Variants in ABCA7 observed in about 807,000 individuals in gnomAD.
ABCA7 encodes ATP binding cassette subfamily A member 7, also known as phospholipid-transporting ATPase ABCA7.
ABCA7 carries 261 observed loss-of-function variants against 227.6 expected under a neutral mutation model. The ratio of observed to expected loss-of-function variants is 1.15; its 90% CI spans 1.04 to 1.27. The LOEUF (loss-of-function observed/expected upper bound fraction) is 1.27. Ranked by LOEUF, ABCA7 falls within the 50% of genes most tolerant of loss-of-function variation. The probability of loss-of-function intolerance (pLI) is 0.00; values close to 1 mark genes in which losing one functional copy is unlikely to be tolerated. For synonymous variants in ABCA7, 1,488 were observed against 1,279.7 expected, an observed-to-expected ratio of 1.16 and a Z score of -3.47; for missense variants, 3,331 against 2,924.5, an observed-to-expected ratio of 1.14 and a Z score of -3.21.
rs558930994 is a variant in ABCA7 at position 1,045,053 on chromosome 19, T to C, written c.1267T>C (p.Ser423Pro). The change falls in exon 12 of 47, where the codon TCG becomes CCG. Residue 423 changes from serine (S) to proline (P), a missense_variant. Ser to Pro is a moderately conservative substitution (Grantham distance 74, BLOSUM62 -1). Coordinates refer to ENST00000263094, the MANE Select transcript of ABCA7 (RefSeq NM_019112.4). Reference protein sequence around the residue: ...EAAPSEAALVSRALQLLAEHR... With the variant: ...EAAPSEAALVPRALQLLAEHR... ...GGCACCCTCAGAGGCAGCCCTGGTG[T>C]CGCGGGCCCTGCAACTGCTCGCGGA... 6.2e-7 allele frequency: 1 copy of C among 1,612,802 alleles called. No individual in the cohort carries two copies. Among genetic ancestry groups the C allele is most frequent in the Non-Finnish European group, 8.5e-7 (1 of 1,179,964 alleles).
chr19:1,051,667 G>A, intron 21 of ABCA7, 81 bp downstream of exon 21: 1 of 1,399,940 alleles, frequency 7.1e-7, no homozygotes, highest in Non-Finnish European at 9.7e-7. Flanking sequence ...TGAGGAATGA[G>A]TAGGAGTTTG....
rs1490601072 is a variant in ABCA7, at chr19:1,054,656, C to G, written c.3813C>G (p.Leu1271=). 2.5e-6 allele frequency: 4 copies of G among 1,613,342 alleles called. No homozygotes were observed. Among genetic ancestry groups the G allele is most frequent in the Non-Finnish European group, 2.5e-6 (3 of 1,179,962 alleles). The part of the protein sequence containing the change: ...PPFGHYPALR[L]SPTMYGAQVS... ...TCGGGCACTACCCGGCTCTGCGGCT[C>G]AGTCCCACCATGTACGGTGCTCAGG... Residue 1271 remains leucine (L), a synonymous_variant, in exon 28 of 47, where the codon CTC becomes CTG. Transcript: ENST00000263094. The surrounding 1 kb of genome is among the most constrained non-coding windows in gnomAD (Gnocchi z 4.8).
rs777577175 is a variant in ABCA7, at chr19:1,041,891, T to C, written c.221T>C (p.Ile74Thr). 2.5e-6 allele frequency: 4 copies of C among 1,601,568 alleles called. No individual in the cohort carries two copies. Among genetic ancestry groups the C allele is most frequent in the Non-Finnish European group, 3.4e-6 (4 of 1,178,724 alleles). Residue 74 changes from isoleucine to threonine, a missense_variant, in exon 4 of 47, where the codon ATC (isoleucine) becomes ACC (threonine). Coordinates refer to ENST00000263094, the MANE Select transcript of ABCA7 (RefSeq NM_019112.4). ...AGTVPWLQGL[I>T]CNVNNTCFPQ... Reference sequence around the variant, plus strand: ...ACCGTGCCCTGGCTCCAGGGTCTCATCTGTAATGTGAACAACACCTGCTTT... The same window carrying C: ...ACCGTGCCCTGGCTCCAGGGTCTCACCTGTAATGTGAACAACACCTGCTTT...
At chr19:1,040,649 C>A (rs575072233) in intron 1 of ABCA7, among the ~76,000 whole-genome samples, 1 of 152,262 alleles carries the variant, frequency 6.6e-6, no homozygotes, top group South Asian at 2.1e-4. Context: ...GATCAGGAAT[C>A]GCTGACTCCA....
At chr19:1,057,199 G>T in intron 34 of ABCA7, 115 bp downstream of exon 34, 1 of 1,549,342 alleles carries the variant, frequency 6.5e-7, no homozygotes, top group South Asian at 1.2e-5. Context: ...TGAGGATTGT[G>T]GGAGACTTTG....
At chr19:1,053,670 G>T (rs541732097) in intron 24 of ABCA7, 118 bp from the exon 25 acceptor site, 8 of 1,519,436 alleles carry the variant, frequency 5.3e-6, no homozygotes, top group Non-Finnish European at 7.2e-6. Flanking sequence ...AGCTCTGGTG[G>T]CTCAGATGTC....
At chr19:1,040,972 C>T (rs2144662669) in intron 1 of ABCA7, among the ~76,000 whole-genome samples, 1 of 152,110 alleles carries the variant, frequency 6.6e-6, no homozygotes, top group African/African-American at 2.4e-5. Context: ...GGCTGGGGGT[C>T]AGGACCTGGA....
rs767053101 is a variant in ABCA7 at position 1,058,718 on chromosome 19, G to A, written c.5250G>A (p.Leu1750=). The A allele has an allele frequency of 6.2e-7, 1 of 1,613,912 alleles. No individual in the cohort carries two copies. Among genetic ancestry groups the A allele is most frequent in the African/African-American group, 1.3e-5 (1 of 75,022 alleles). ...QGPLFLLFTL[L]LQHRSQLLPQ... ...CCCTCTTCCTTCTCTTCACACTACT[G>A]CTGCAGCACCGAAGCCAACTCCTGC... Residue 1750 remains leucine, a synonymous_variant, in exon 38 of 47, where the codon CTG becomes CTA. Coordinates refer to ENST00000263094, the MANE Select transcript of ABCA7 (RefSeq NM_019112.4).
rs2042346084 is a variant in ABCA7 at position 1,057,373 on chromosome 19, G to A, written c.4824G>A (p.Arg1608=). 6.2e-6 allele frequency: 10 copies of A among 1,613,780 alleles called. No homozygotes were observed. Among genetic ancestry groups the A allele is most frequent in the Non-Finnish European group, 8.5e-6 (10 of 1,180,022 alleles). Residue 1608 remains arginine, a synonymous_variant, in exon 35 of 47, where the codon AGG becomes AGA. Coordinates refer to ENST00000263094, the MANE Select transcript of ABCA7 (RefSeq NM_019112.4). ...VVLIFLAFQQ[R]AYVAPANLPA... is the part of the protein sequence containing the mutation. ...TCATCTTTCTGGCCTTCCAGCAGAG[G>A]GCATATGTGGCCCCTGCCAACCTGC...
In ABCA7 at chr19:1,064,962, G is replaced by T. The variant is rs780172584; in HGVS notation, c.6076G>T (p.Val2026Leu). The change falls in exon 46 of 47, where the codon GTG becomes TTG. Residue 2026 changes from valine (V) to leucine (L), a missense_variant. Val to Leu is a conservative substitution (Grantham distance 32, BLOSUM62 1). Coordinates refer to ENST00000263094, the MANE Select transcript of ABCA7 (RefSeq NM_019112.4). ...FAAGHTLTLR[V>L]PAARSQPAAA... The stretch of plus-strand genomic sequence containing the variant: ...GGCGGGTCACACACTGACCCTGCGG[G>T]TGCCCGCCGCAAGGTCCCAGCCGGC... The T allele has an allele frequency of 1.3e-6, 2 of 1,543,794 alleles. No individual in the cohort carries two copies. The highest frequency in any genetic ancestry group is 2.7e-5 in the African/African-American group (2 of 72,786).
intron 13 of ABCA7, 82 bp downstream of exon 13, chr19:1,046,488 C>A (rs1387335760): frequency 8.7e-6 from 13 of 1,494,000 alleles, no homozygotes; most frequent in Non-Finnish European, 1.2e-5. Context: ...CTGTTGGGAA[C>A]CTTCCTGCGG....
chr19:1,046,476 C>T, intron 13 of ABCA7, 70 bp downstream of exon 13: 1 of 1,503,458 alleles, frequency 6.7e-7, no homozygotes, highest in African/African-American at 1.4e-5. Flanking sequence ...TGGGCCCAGG[C>T]TCTGTTGGGA....
chr19:1,046,226 G>A lies in ABCA7; in HGVS notation c.1446-4G>A, dbSNP rs765172308. ...TACAACCGGCCACCATGCCCCTCTC[G>A]CAGGTTTTGGGACCCTGGCCCAGCC... On this transcript the variant is annotated splice_region_variant and splice_polypyrimidine_tract_variant and intron_variant, in intron 12 of 46. Coordinates refer to ENST00000263094, the MANE Select transcript of ABCA7 (RefSeq NM_019112.4). 62 of 1,605,760 alleles carry A rather than the reference G, an allele frequency of 3.9e-5. 2 individuals carry two copies. The South Asian group carries it at 4.7e-4, about 12-fold the overall frequency.
chr19:1,061,769 G>C lies in ABCA7; in HGVS notation c.5464-13G>C. On this transcript the variant is annotated splice_polypyrimidine_tract_variant and intron_variant, in intron 40 of 46. Transcript: ENST00000263094. ...GGGGCCTCACTGAGCACCATCTGTG[G>C]GCATCCCTGTAGTGTTTTGGGCTGC... 1 of 1,611,614 alleles carries C rather than the reference G, an allele frequency of 6.2e-7. No homozygotes were observed. The highest frequency in any genetic ancestry group is 8.5e-7 in the Non-Finnish European group (1 of 1,178,646).
intron 40 of ABCA7, 101 bp downstream of exon 40, chr19:1,059,186 A>G (rs1270732811): frequency 7.9e-7 from 1 of 1,270,354 alleles, no homozygotes; most frequent in African/African-American, 1.5e-5. Flanking sequence ...TGTATCCACC[A>G]CCTTTTATTG....
At position 1,054,037 on chromosome 19, in the gene ABCA7, C is replaced by A; in HGVS notation, c.3504C>A (p.Gly1168=). 1 of 1,613,338 alleles carries A rather than the reference C, an allele frequency of 6.2e-7. No individual in the cohort carries two copies. Among genetic ancestry groups the A allele is most frequent in the Non-Finnish European group, 8.5e-7 (1 of 1,179,974 alleles). The change falls in exon 26 of 47, where the codon GGC becomes GGA. Residue 1168 remains glycine (G), a synonymous_variant. Coordinates refer to ENST00000263094, the MANE Select transcript of ABCA7 (RefSeq NM_019112.4). This position sits in a 1 kb window ranked among gnomAD's most constrained non-coding sequence, Gnocchi z 4.8. ...DGSCGQHLCT[G]IAGLDVTLRL... ...GCTGCGGGCAGCACCTATGCACAGG[C>A]ATTGCTGGCCTAGACGTAACCCTAC...
rs754035309 is a variant in ABCA7 at position 1,042,726 on chromosome 19, C to G, written c.499-20C>G. ...GTGAGTGTTCAAAATCATTGTCCCC[C>G]TTGTGGTCTTTCTCCCCAGGAATCC... On this transcript the variant is annotated intron_variant, in intron 6 of 46. Coordinates refer to ENST00000263094, the MANE Select transcript of ABCA7 (RefSeq NM_019112.4). 2.5e-6 allele frequency: 4 copies of G among 1,612,278 alleles called. No individual in the cohort carries two copies. The highest frequency in any genetic ancestry group is 3.4e-6 in the Non-Finnish European group (4 of 1,178,774).
At chr19:1,053,753 G>A in intron 24 of ABCA7, 35 bp from the exon 25 acceptor site, 1 of 1,598,550 alleles carries the variant, frequency 6.3e-7, no homozygotes, top group African/African-American at 1.3e-5. Context: ...CTCCCTGTCG[G>A]TGTCCAGTCT....
At chr19:1,055,817 G>A in intron 30 of ABCA7, 90 bp from the exon 31 acceptor site, 1 of 1,347,526 alleles carries the variant, frequency 7.4e-7, no homozygotes, top group Non-Finnish European at 1.0e-6. Flanking sequence ...TCCTGTTTTT[G>A]TCCACCCTTG....
Sources: allele counts gnomAD v4.1 joint callset (sites outside exome capture counted in the v4.1 genomes callset), GRCh38; gene constraint gnomAD v4.1.1; non-coding constraint Gnocchi (gnomAD v3.1); transcripts MANE v1.5; gene names NCBI Gene and HGNC (gene_info 2026-07-23, HGNC 2026-07-21).